ELOVL6: variants seen among roughly 807,000 people sequenced by gnomAD.
ELOVL6 encodes the protein very long chain fatty acid elongase 6.
ELOVL6 carries 8 observed loss-of-function variants against 31.7 expected under a neutral mutation model. That is an observed-to-expected ratio of 0.25 (90% CI 0.15 to 0.45). ELOVL6 has a LOEUF of 0.45. Among genes scored for constraint, ELOVL6 ranks in the 20% least tolerant of loss-of-function variants. The pLI is 1.00. For missense variants in ELOVL6, 126 were observed against 326.4 expected (o/e 0.39, Z 4.73); for synonymous variants, 101 against 117.7 (o/e 0.86, Z 0.92).
rs1754836222 is a variant in ELOVL6 at position 110,051,538 on chromosome 4, A to G, written c.598T>C (p.Leu200=). 6.2e-7 allele frequency: 1 copy of G among 1,614,218 alleles called. No individual in the cohort carries two copies. The highest frequency in any genetic ancestry group is 8.5e-7 in the Non-Finnish European group (1 of 1,180,036). The change falls in exon 4 of 4, where the codon TTG becomes CTG. Residue 200 remains leucine, a synonymous_variant. Transcript: ENST00000302274. The surrounding 1 kb of genome is among the most constrained non-coding windows in gnomAD (Gnocchi z 4.8). The stretch of plus-strand genomic sequence containing the variant: ...ATCAGCATCTGAGTGATCTGGGACA[A>G]GGTGATGAACATGGCAAACTTCCGG... ...VSRKFAMFIT[L]SQITQMLMGC...
chr4:110,084,588 A>ATATATATATT, intron 2 of ELOVL6, among the ~76,000 whole-genome samples: 1 of 29,658 alleles, frequency 3.4e-5, no homozygotes. Flanking sequence ...ATATATATAT[A>ATATATATATT]TTTTTTTTTT....
intron 1 of ELOVL6, among the ~76,000 whole-genome samples, chr4:110,140,947 C>T (rs1340753467): frequency 3.9e-5 from 6 of 152,062 alleles, no homozygotes; most frequent in South Asian, 2.1e-4. Context: ...CACAGTTCCA[C>T]GTGGCTGGGG....
intron 1 of ELOVL6, among the ~76,000 whole-genome samples, chr4:110,159,568 A>G (rs901172102): frequency 6.6e-6 from 1 of 152,138 alleles, no homozygotes; most frequent in Non-Finnish European, 1.5e-5. Flanking sequence ...ATTTTTATGC[A>G]TATTCACGTA....
chr4:110,127,000 A>C (rs560984095), intron 1 of ELOVL6, among the ~76,000 whole-genome samples: 139 of 152,218 alleles, frequency 9.1e-4, no homozygotes, highest in African/African-American at 3.2e-3. Context: ...TCAATGCATT[A>C]AAAAAAGCAA....
At chr4:110,078,735 A>T (rs916090442) in intron 2 of ELOVL6, among the ~76,000 whole-genome samples, 1 of 152,224 alleles carries the variant, frequency 6.6e-6, no homozygotes, top group African/African-American at 2.4e-5. Flanking sequence ...ATTCACACAT[A>T]ACCATATTAA....
intron 2 of ELOVL6, among the ~76,000 whole-genome samples, chr4:110,076,328 A>C (rs1397514918): frequency 3.3e-5 from 5 of 152,208 alleles, no homozygotes; most frequent in African/African-American, 1.2e-4. Flanking sequence ...TATTCTCTAC[A>C]ATTTACTGTA....
chr4:110,075,619 A>T (rs993645279), intron 2 of ELOVL6, among the ~76,000 whole-genome samples: 1 of 152,228 alleles, frequency 6.6e-6, no homozygotes, highest in South Asian at 2.1e-4. Context: ...GGCAGAAATG[A>T]GGAGTTTTCA....
intron 1 of ELOVL6, among the ~76,000 whole-genome samples, chr4:110,171,180 G>A (rs1049588728): frequency 3.3e-5 from 5 of 152,162 alleles, no homozygotes; most frequent in Non-Finnish European, 7.3e-5. Flanking sequence ...GGCCAAGGCA[G>A]GCAGATCACC....
chr4:110,051,877 G>T lies in ELOVL6; in HGVS notation c.374-115C>A. On this transcript the variant is annotated intron_variant, in intron 3 of 3. Transcript: ENST00000302274. This position sits in a 1 kb window ranked among gnomAD's most constrained non-coding sequence, Gnocchi z 4.8. ...TAGGACTGGAGAGTTACATAGACTG[G>T]ATTAGAACCCTGAACTGGTACTTAC... is the stretch of plus-strand genomic sequence containing the variant. 1.2e-6 allele frequency: 1 copy of T among 828,096 alleles called. No homozygotes were observed. The highest frequency in any genetic ancestry group is 1.9e-6 in the Non-Finnish European group (1 of 523,064). 51.3% of individuals were successfully genotyped at this position (828,096 alleles called of 1,614,324 possible). A position where few individuals can be genotyped will look rare whatever the true frequency, so the allele number is the denominator to read the frequency against.
chr4:110,117,903 A>AAAAAAAAAAATATATATAT, intron 1 of ELOVL6: 1 of 6,506 alleles, frequency 1.5e-4, no homozygotes, highest in Non-Finnish European at 3.7e-4. Flanking sequence ...AAAAAAAAAA[A>AAAAAAAAAAATATATATAT]ATATATATAT....
chr4:110,112,239 T>G (rs1205939972), intron 1 of ELOVL6, among the ~76,000 whole-genome samples: 1 of 152,228 alleles, frequency 6.6e-6, no homozygotes. Context: ...AAAGTTGAAT[T>G]CCTGATCTCT....
chr4:110,071,744 A>T (rs1755490492), intron 2 of ELOVL6, among the ~76,000 whole-genome samples: 1 of 152,202 alleles, frequency 6.6e-6, no homozygotes, highest in Non-Finnish European at 1.5e-5. Context: ...CACTGGAGCA[A>T]GGGGTTTTGT....
chr4:110,097,064 T>A (rs952439449), intron 2 of ELOVL6, among the ~76,000 whole-genome samples: 4 of 151,958 alleles, frequency 2.6e-5, no homozygotes, highest in African/African-American at 9.7e-5. Flanking sequence ...TCTCAGCACT[T>A]TGGGAGGCCG....
intron 2 of ELOVL6, among the ~76,000 whole-genome samples, chr4:110,086,972 G>A (rs1353791429): frequency 6.6e-6 from 1 of 152,078 alleles, no homozygotes; most frequent in Admixed American, 6.5e-5. Context: ...GGTCTGTTGT[G>A]AGGATGAGTA....
chr4:110,167,730 C>T (rs570720817), intron 1 of ELOVL6, among the ~76,000 whole-genome samples: 1 of 152,074 alleles, frequency 6.6e-6, no homozygotes, highest in African/African-American at 2.4e-5. Context: ...GAGACAGGGT[C>T]TCCCTGTGCT....
Position 110,098,023 on chromosome 4 carries a change from AG to A in ELOVL6, c.221+7473del, listed in dbSNP as rs111261203. ...AGTAGGCTAAAGATAAAACAAAAAC[AG>A]GTTTTGATAAAACAAATAATTAAAT... On this transcript the variant is annotated intron_variant, in intron 2 of 3. Coordinates refer to ENST00000302274, the MANE Select transcript of ELOVL6 (RefSeq NM_024090.3). Among the ~76,000 whole-genome samples, 563 of 152,290 alleles carry A rather than the reference AG, an allele frequency of 3.7e-3. 5 individuals carry two copies. Among genetic ancestry groups the A allele is most frequent in the African/African-American group, 0.013 (538 of 41,546 alleles).
At chr4:110,154,801 G>A (rs1014047888) in intron 1 of ELOVL6, among the ~76,000 whole-genome samples, 1 of 152,150 alleles carries the variant, frequency 6.6e-6, no homozygotes, top group African/African-American at 2.4e-5. Context: ...ATAATCACAG[G>A]CTATAATGTC....
intron 1 of ELOVL6, among the ~76,000 whole-genome samples, chr4:110,117,182 G>A (rs1001323994): frequency 4.6e-5 from 7 of 152,270 alleles, no homozygotes; most frequent in African/African-American, 1.7e-4. Context: ...GGCCCTGGAT[G>A]CCACAAGACA....
intron 1 of ELOVL6, among the ~76,000 whole-genome samples, chr4:110,158,794 G>A (rs1416208735): frequency 6.6e-6 from 1 of 150,960 alleles, no homozygotes; most frequent in Non-Finnish European, 1.5e-5. Context: ...CCAAGTAGCT[G>A]GGACTACAGG....
Sources: allele counts gnomAD v4.1 joint callset (sites outside exome capture counted in the v4.1 genomes callset), GRCh38; gene constraint gnomAD v4.1.1; non-coding constraint Gnocchi (gnomAD v3.1); transcripts MANE v1.5; gene names NCBI Gene and HGNC (gene_info 2026-07-23, HGNC 2026-07-21).